The following CTNNA3 variants were observed in gnomAD, a reference collection of about 807,000 sequenced individuals.
CTNNA3 encodes catenin alpha-3.
In CTNNA3, 76 loss-of-function variants were observed where a neutral mutation model predicts 95.7. The observed-to-expected ratio is 0.79, with a 90% CI of 0.66 to 0.96. The LOEUF (loss-of-function observed/expected upper bound fraction) is 0.96, where lower values mean the gene tolerates loss of function less well. Ranked by LOEUF, CTNNA3 falls within the 40% of genes least tolerant of loss-of-function variation. CTNNA3 has a pLI of 0.00. For missense variants in CTNNA3, 1,191 were observed against 1,089.8 expected (o/e 1.09, Z -1.31); for synonymous variants, 431 against 374.4 (o/e 1.15, Z -1.74).
intron 7 of CTNNA3, among the ~76,000 whole-genome samples, chr10:67,158,296 TG>T (rs1861395245): frequency 6.6e-6 from 1 of 152,134 alleles, no homozygotes; most frequent in East Asian, 1.9e-4. Context: ...ACTATAGGCC[TG>T]GCACTTAGAC....
intron 2 of CTNNA3, among the ~76,000 whole-genome samples, chr10:67,633,847 T>C (rs989236010): frequency 8.5e-5 from 13 of 152,188 alleles, no homozygotes; most frequent in African/African-American, 2.9e-4. Flanking sequence ...ACCAAACCTA[T>C]GACTGATTGG....
intron 6 of CTNNA3, among the ~76,000 whole-genome samples, chr10:67,196,557 G>C (rs1302150256): frequency 6.6e-6 from 1 of 151,980 alleles, no homozygotes; most frequent in East Asian, 1.9e-4. Flanking sequence ...GGTTAAACCA[G>C]AACAGTGATA....
chr10:66,928,433 C>T lies in CTNNA3; in HGVS notation c.1048-152909G>A, dbSNP rs756957377. The T allele has an allele frequency of 9.9e-6, 16 of 1,609,462 alleles. No homozygotes were observed. Among genetic ancestry groups the T allele is most frequent in the Non-Finnish European group, 1.3e-5 (15 of 1,178,396 alleles). ...ACGGGACCCTGCACCTATAACAAAT[C>T]GGGCTCCAGGGAGTGTGAGGTATGA... On this transcript the variant is annotated intron_variant, in intron 7 of 17. Coordinates refer to ENST00000433211, the MANE Select transcript of CTNNA3 (RefSeq NM_013266.4).
At chr10:67,441,611 C>A (rs987889800) in intron 5 of CTNNA3, among the ~76,000 whole-genome samples, 2 of 152,086 alleles carry the variant, frequency 1.3e-5, no homozygotes, top group African/African-American at 4.8e-5. Context: ...CATCTGGCAG[C>A]AGACTTTTCA....
At chr10:67,261,902 G>T (rs1310699089) in intron 5 of CTNNA3, among the ~76,000 whole-genome samples, 2 of 152,030 alleles carry the variant, frequency 1.3e-5, no homozygotes, top group Non-Finnish European at 2.9e-5. Flanking sequence ...ACAGGGTTCT[G>T]CTATACAAAT....
intron 16 of CTNNA3, among the ~76,000 whole-genome samples, chr10:65,969,201 TC>T (rs1157564051): frequency 3.4e-5 from 5 of 147,488 alleles, no homozygotes; most frequent in Non-Finnish European, 7.5e-5. Flanking sequence ...AAAGTCACAC[TC>T]CCTAGGGAAA....
At chr10:67,529,301 G>T (rs892811755) in intron 4 of CTNNA3, among the ~76,000 whole-genome samples, 5 of 151,988 alleles carry the variant, frequency 3.3e-5, no homozygotes, top group African/African-American at 1.2e-4. Context: ...AGTAGAATCA[G>T]AATGTTCCTA....
chr10:65,976,441 C>T (rs1452619030), intron 16 of CTNNA3, among the ~76,000 whole-genome samples: 1 of 152,050 alleles, frequency 6.6e-6, no homozygotes, highest in Non-Finnish European at 1.5e-5. Flanking sequence ...GTAGAAAAGC[C>T]TATAATTCCA....
rs1342375122 is a variant in CTNNA3, at chr10:67,219,768, G to A, written c.682C>T (p.His228Tyr). ...LHSICSACLE[H>Y]SDVASLKASK... is the part of the protein sequence containing the mutation. ...GCTTTGAGGGAAGCAACATCAGAAT[G>A]CTCCAAACAAGCTGAACAAATTGAA... The change falls in exon 6 of 18, where the codon CAT becomes TAT. Residue 228 changes from histidine to tyrosine, a missense_variant. His to Tyr is a moderately conservative substitution (Grantham distance 83). Coordinates refer to ENST00000433211, the MANE Select transcript of CTNNA3 (RefSeq NM_013266.4). 1 of 1,613,982 alleles carries A rather than the reference G, an allele frequency of 6.2e-7. No individual in the cohort carries two copies. The highest frequency in any genetic ancestry group is 1.3e-5 in the African/African-American group (1 of 74,896).
intron 13 of CTNNA3, among the ~76,000 whole-genome samples, chr10:66,184,345 C>A (rs2086218778): frequency 6.6e-6 from 1 of 151,976 alleles, no homozygotes; most frequent in Admixed American, 6.6e-5. Flanking sequence ...GTTAAACTTA[C>A]CTAAATTTTA....
At chr10:66,517,485 C>G (rs756543518) in intron 11 of CTNNA3, among the ~76,000 whole-genome samples, 17 of 152,042 alleles carry the variant, frequency 1.1e-4, no homozygotes, top group Non-Finnish European at 2.2e-4. Flanking sequence ...AGAGTGACCT[C>G]TGCTCATCCT....
chr10:67,588,512 G>T (rs2133340722), intron 3 of CTNNA3, among the ~76,000 whole-genome samples: 1 of 150,020 alleles, frequency 6.7e-6, no homozygotes, highest in East Asian at 1.9e-4. Flanking sequence ...GTTATTAGTG[G>T]AGACTGTATT....
chr10:67,127,787 T>G (rs1859788388), intron 7 of CTNNA3, among the ~76,000 whole-genome samples: 1 of 152,120 alleles, frequency 6.6e-6, no homozygotes, highest in Non-Finnish European at 1.5e-5. Context: ...AATAAACATT[T>G]CTTCTACACT....
intron 13 of CTNNA3, among the ~76,000 whole-genome samples, chr10:66,165,748 A>G (rs2085094834): frequency 6.6e-6 from 1 of 151,484 alleles, no homozygotes; most frequent in South Asian, 2.1e-4. Context: ...AATATACACA[A>G]TACAATTTAT....
intron 12 of CTNNA3, among the ~76,000 whole-genome samples, chr10:66,319,585 T>C (rs1268870415): frequency 6.6e-6 from 1 of 152,122 alleles, no homozygotes; most frequent in South Asian, 2.1e-4. Flanking sequence ...AGCAGCTATA[T>C]CTTAACTTCC....
chr10:66,275,846 A>G (rs1017168112), intron 13 of CTNNA3, among the ~76,000 whole-genome samples: 7 of 152,168 alleles, frequency 4.6e-5, no homozygotes, highest in African/African-American at 1.4e-4. Context: ...GTTAAGGAAG[A>G]AAATGACAGA....
chr10:67,690,114 T>C (rs1383538799), intron 1 of CTNNA3, among the ~76,000 whole-genome samples: 1 of 152,160 alleles, frequency 6.6e-6, no homozygotes, highest in East Asian at 1.9e-4. Context: ...TGTCCGGAGT[T>C]ACTCCCTTCC....
intron 10 of CTNNA3, among the ~76,000 whole-genome samples, chr10:66,538,876 A>G (rs1336416445): frequency 6.6e-6 from 1 of 152,178 alleles, no homozygotes; most frequent in Non-Finnish European, 1.5e-5. Context: ...ACTGATTTTC[A>G]TAATGGTGTT....
intron 17 of CTNNA3, among the ~76,000 whole-genome samples, chr10:65,947,535 T>G (rs1183104221): frequency 6.6e-6 from 1 of 152,212 alleles, no homozygotes; most frequent in Non-Finnish European, 1.5e-5. Flanking sequence ...AGGTATTTAT[T>G]GTCCAGTGAG....
Sources: allele counts gnomAD v4.1 joint callset (sites outside exome capture counted in the v4.1 genomes callset), GRCh38; gene constraint gnomAD v4.1.1; transcripts MANE v1.5; gene names NCBI Gene and HGNC (gene_info 2026-07-23, HGNC 2026-07-21).